AFG2B: variants seen among roughly 807,000 people sequenced by gnomAD.
AFG2B encodes ATPase family gene 2 protein homolog B.
At chr15:45,410,556 A>G in the AFG2B span, 7 of 1,579,670 alleles carry the variant, frequency 4.4e-6, no homozygotes, top group Non-Finnish European at 6.0e-6. Flanking sequence ...TACTTAATCC[A>G]GTAGGATATT....
chr15:45,415,134 G>A, the AFG2B span, among the ~76,000 whole-genome samples: 1 of 151,946 alleles, frequency 6.6e-6, no homozygotes, highest in African/African-American at 2.4e-5. Flanking sequence ...ATACTCCATT[G>A]TTTCTTGTTT....
the AFG2B span, chr15:45,414,774 G>A: frequency 6.2e-7 from 1 of 1,613,714 alleles, no homozygotes; most frequent in Non-Finnish European, 8.5e-7. Flanking sequence ...AAAAAGTGTT[G>A]TCTCAGGTTT....
the AFG2B span, among the ~76,000 whole-genome samples, chr15:45,408,121 G>A: frequency 6.6e-6 from 1 of 152,190 alleles, no homozygotes; most frequent in South Asian, 2.1e-4. Context: ...GAGAAAATGG[G>A]TAATGGGGTA....
chr15:45,410,434 C>A, the AFG2B span: 1 of 1,613,878 alleles, frequency 6.2e-7, no homozygotes, highest in Non-Finnish European at 8.5e-7. Flanking sequence ...ATATTCAGCC[C>A]TCATCGTTTC....
At chr15:45,414,799 ATGTTTAAATTTACTT>A in the AFG2B span, 1 of 1,593,390 alleles carries the variant, frequency 6.3e-7, no homozygotes, top group Non-Finnish European at 8.6e-7. Flanking sequence ...ATTTCCCCAT[ATGTTTAAATTTACTT>A]TTGAATTTTT....
chr15:45,415,214 T>G, the AFG2B span, among the ~76,000 whole-genome samples: 5 of 152,104 alleles, frequency 3.3e-5, no homozygotes, highest in Non-Finnish European at 7.4e-5. Flanking sequence ...TTATAAATAG[T>G]GGCCAGGCAT....
At chr15:45,410,398 A>C in the AFG2B span, 1 of 1,613,744 alleles carries the variant, frequency 6.2e-7, no homozygotes, top group Non-Finnish European at 8.5e-7. Context: ...TGATTGATGA[A>C]ATAGACTTCC....
At chr15:45,410,092 A>G in the AFG2B span, among the ~76,000 whole-genome samples, 9 of 152,200 alleles carry the variant, frequency 5.9e-5, no homozygotes, top group African/African-American at 1.7e-4. Context: ...CTGATATAGT[A>G]TGGTTCCATT....
chr15:45,421,054 G>A, the AFG2B span: 1 of 1,609,868 alleles, frequency 6.2e-7, no homozygotes, highest in Non-Finnish European at 8.5e-7. Flanking sequence ...CTGCTTTGCT[G>A]GCTCTGCAAG....
the AFG2B span, chr15:45,402,897 T>C: frequency 1.9e-6 from 3 of 1,598,334 alleles, no homozygotes; most frequent in South Asian, 2.2e-5. Flanking sequence ...CGCCAGGCGC[T>C]CCTGGCCTGG....
chr15:45,407,434 A>AC, the AFG2B span, among the ~76,000 whole-genome samples: 1 of 152,240 alleles, frequency 6.6e-6, no homozygotes, highest in Admixed American at 6.5e-5. Context: ...TAATGTGTAC[A>AC]CACATGATCT....
chr15:45,411,661 T>C, the AFG2B span, among the ~76,000 whole-genome samples: 1 of 152,028 alleles, frequency 6.6e-6, no homozygotes, highest in Non-Finnish European at 1.5e-5. Flanking sequence ...AGCACGTGCT[T>C]ATGGTCCTAG....
chr15:45,418,422 A>T, the AFG2B span: 16 of 678,056 alleles, frequency 2.4e-5, no homozygotes, highest in African/African-American at 5.6e-5. Context: ...GCCATTGATG[A>T]CTTAGTCTTT....
the AFG2B span, chr15:45,421,275 C>T: frequency 8.9e-7 from 1 of 1,126,372 alleles, no homozygotes; most frequent in South Asian, 1.7e-5. Context: ...TCGTTTGCAA[C>T]TTCACACTTT....
At chr15:45,402,419 A>G in the AFG2B span, 1 of 1,593,884 alleles carries the variant, frequency 6.3e-7, no homozygotes, top group Non-Finnish European at 8.5e-7. Flanking sequence ...TGCCTGGTTC[A>G]TCTGTGTGCG....
At chr15:45,405,379 G>A in the AFG2B span, 41 of 1,613,984 alleles carry the variant, frequency 2.5e-5, no homozygotes, top group African/African-American at 5.3e-5. Context: ...TGATTACCTC[G>A]AAGATGCCCA....
chr15:45,403,532 G>A, the AFG2B span: 3 of 1,599,546 alleles, frequency 1.9e-6, no homozygotes, highest in African/African-American at 1.4e-5. Flanking sequence ...AATGGGCTTG[G>A]CGGGTTTGCC....
chr15:45,409,651 A>G, the AFG2B span, among the ~76,000 whole-genome samples: 1 of 152,082 alleles, frequency 6.6e-6, no homozygotes, highest in Non-Finnish European at 1.5e-5. Context: ...GCTCGAGCCC[A>G]TGAGTTCCAG....
the AFG2B span, among the ~76,000 whole-genome samples, chr15:45,420,001 A>ACCCCCCCCCCC: frequency 1.2e-5 from 1 of 84,664 alleles, no homozygotes; most frequent in Non-Finnish European, 2.3e-5. Context: ...CCCCCCCAAA[A>ACCCCCCCCCCC]AAAAAAAAAA....
Sources: gnomAD v4.1 joint callset for allele counts (sites outside exome capture counted in the v4.1 genomes callset) on GRCh38, gnomAD v4.1.1 for gene constraint, MANE v1.5 for transcripts, NCBI Gene and HGNC (gene_info 2026-07-23, HGNC 2026-07-21) for gene names.